Variants in PRH1 observed in about 807,000 individuals in gnomAD.
The protein encoded by PRH1 is proline rich protein HaeIII subfamily 1, also known as salivary acidic proline-rich phosphoprotein 1/2.
Under a neutral mutation model 7.9 loss-of-function variants are expected in PRH1, and 7 were observed. The observed-to-expected ratio is 0.89, with a 90% confidence interval of 0.50 to 1.67. The LOEUF (loss-of-function observed/expected upper bound fraction) is 1.67. Ranked by LOEUF, PRH1 falls within the 40% of genes most tolerant of loss-of-function variation. PRH1 has a pLI of 0.00. For synonymous variants in PRH1, 45 were observed against 80.8 expected (o/e 0.56, Z 2.38); for missense variants, 109 against 223.6 (o/e 0.49, Z 3.27).
intron 1 of PRH1, among the ~76,000 whole-genome samples, chr12:11,015,996 G>A (rs1941277063): frequency 6.6e-6 from 1 of 152,154 alleles, no homozygotes. Flanking sequence ...TCAATTTGCA[G>A]ACCAAAGCAC....
rs1321965334 is a variant in PRH1 at position 11,080,487 on chromosome 12, G to T, written n.124-33299C>A. 3.4e-5 allele frequency among the ~76,000 whole-genome samples: 4 copies of T among 116,050 alleles called. 1 individual carries two copies. The highest frequency in any genetic ancestry group is 5.8e-5 in the African/African-American group (2 of 34,724). The allele number at this position is 116,050 out of a possible 152,430, so 76.1% of individuals were successfully genotyped here. ...AATTCTTATGCATATATATACCTGGGTGTGAAATTACAGGGTCCTTGATAA... is the reference window on the plus strand; with the variant it reads ...AATTCTTATGCATATATATACCTGGTTGTGAAATTACAGGGTCCTTGATAA... On this transcript the variant is annotated intron_variant and non_coding_transcript_variant, in intron 1 of 4. Transcript: ENST00000541977.
At chr12:10,905,523 G>A (rs555812937) in intron 2 of PRH1, among the ~76,000 whole-genome samples, 98 of 152,046 alleles carry the variant, frequency 6.4e-4, no homozygotes, top group Middle Eastern at 3.4e-3. Context: ...AAAATTAGCC[G>A]GGCGTCCTGG....
At chr12:11,125,139 G>A (rs538236975) in intron 1 of PRH1, among the ~76,000 whole-genome samples, 6 of 152,276 alleles carry the variant, frequency 3.9e-5, no homozygotes, top group South Asian at 2.1e-4. Flanking sequence ...CACCATGCCC[G>A]GCACAATTCT....
At chr12:10,979,530 T>G (rs981263943) in intron 1 of PRH1, among the ~76,000 whole-genome samples, 1 of 152,138 alleles carries the variant, frequency 6.6e-6, no homozygotes, top group African/African-American at 2.4e-5. Flanking sequence ...TTCAAATGAT[T>G]ATAGGACTTC....
At chr12:11,134,827 C>T (rs1424055718) in intron 1 of PRH1, among the ~76,000 whole-genome samples, 1 of 152,134 alleles carries the variant, frequency 6.6e-6, no homozygotes, top group Non-Finnish European at 1.5e-5. Flanking sequence ...TTGAGAACCA[C>T]AGGCAGGCCA....
intron 1 of PRH1, among the ~76,000 whole-genome samples, chr12:10,978,980 G>C (rs998457644): frequency 2.0e-5 from 3 of 152,114 alleles, no homozygotes; most frequent in African/African-American, 7.2e-5. Flanking sequence ...TTATACTGCT[G>C]GTGGGAATGT....
At chr12:11,086,679 T>A (rs79532497) in intron 1 of PRH1, among the ~76,000 whole-genome samples, 1 of 122,896 alleles carries the variant, frequency 8.1e-6, no homozygotes, top group Non-Finnish European at 1.8e-5. Context: ...TTTGGGAGGC[T>A]GAGGCAGGTG....
At chr12:10,985,858 A>G (rs997879897) in intron 1 of PRH1, 37 of 1,264,196 alleles carry the variant, frequency 2.9e-5, no homozygotes, top group African/African-American at 6.0e-5. Context: ...AAAACAGTAA[A>G]AAGTATAAAA....
At chr12:11,050,524 TTTTA>T (rs1444595952), upstream of PRH1, among the ~76,000 whole-genome samples, 3 of 152,180 alleles carry the variant, frequency 2.0e-5, no homozygotes, top group East Asian at 5.8e-4. Flanking sequence ...GCTGCAGAGA[TTTTA>T]TTTATGGCCA....
upstream of PRH1, among the ~76,000 whole-genome samples, chr12:10,887,441 A>G (rs1301229267): frequency 6.6e-6 from 1 of 152,202 alleles, no homozygotes. Flanking sequence ...TGGCCAATTA[A>G]CTATTAAAAA....
intron 1 of PRH1, among the ~76,000 whole-genome samples, chr12:11,161,235 G>A (rs768856011): frequency 6.6e-6 from 1 of 152,140 alleles, no homozygotes; most frequent in Non-Finnish European, 1.5e-5. Flanking sequence ...CATAGGGAAG[G>A]TTACTCAGAC....
intron 1 of PRH1, among the ~76,000 whole-genome samples, chr12:11,130,896 G>C (rs922325806): frequency 3.3e-5 from 5 of 151,020 alleles, no homozygotes; most frequent in Non-Finnish European, 7.4e-5. Flanking sequence ...TGGAGGGTAT[G>C]AGCACGTCTC....
At chr12:11,071,881 C>A (rs1591951261) in intron 1 of PRH1, among the ~76,000 whole-genome samples, 1 of 152,176 alleles carries the variant, frequency 6.6e-6, no homozygotes, top group African/African-American at 2.4e-5. Context: ...CAATAACCCC[C>A]CTTACCTTAT....
intron 1 of PRH1, among the ~76,000 whole-genome samples, chr12:11,085,045 G>A (rs1591982394): frequency 8.8e-6 from 1 of 113,312 alleles, no homozygotes; most frequent in East Asian, 2.1e-4. Context: ...TGGTCTTGAT[G>A]TCCTGACCTC....
chr12:11,019,550 AT>A (rs1231757621), intron 1 of PRH1, among the ~76,000 whole-genome samples: 2 of 152,290 alleles, frequency 1.3e-5, no homozygotes, highest in Non-Finnish European at 2.9e-5. Context: ...TACTAAAAAA[AT>A]ATACAAATAA....
chr12:11,039,454 CGTT>C (rs1222233922), intron 1 of PRH1, among the ~76,000 whole-genome samples: 1 of 152,210 alleles, frequency 6.6e-6, no homozygotes, highest in Non-Finnish European at 1.5e-5. Flanking sequence ...TTTTCCACAT[CGTT>C]GTTGAAGTAA....
chr12:10,977,912 C>T (rs983974123), intron 1 of PRH1, among the ~76,000 whole-genome samples: 1 of 151,962 alleles, frequency 6.6e-6, no homozygotes, highest in Non-Finnish European at 1.5e-5. Context: ...TCAAATATGA[C>T]ACAGACAAGT....
intron 2 of PRH1, among the ~76,000 whole-genome samples, chr12:10,949,724 CAGTT>C (rs1253681022): frequency 4.6e-5 from 7 of 151,966 alleles, no homozygotes; most frequent in Non-Finnish European, 8.8e-5. Flanking sequence ...CTTAAATACA[CAGTT>C]AGGGAAAAAA....
At chr12:11,143,768 G>A (rs893827429) in intron 1 of PRH1, among the ~76,000 whole-genome samples, 9 of 138,910 alleles carry the variant, frequency 6.5e-5, no homozygotes, top group African/African-American at 2.3e-4. Flanking sequence ...TCAACTCATC[G>A]AAAGGATATA....
Sources: allele counts gnomAD v4.1 joint callset (sites outside exome capture counted in the v4.1 genomes callset), GRCh38; gene constraint gnomAD v4.1.1; transcripts MANE v1.5; gene names NCBI Gene and HGNC (gene_info 2026-07-23, HGNC 2026-07-21).